RPE: variants seen among roughly 807,000 people sequenced by gnomAD.
RPE encodes the protein ribulose-phosphate 3-epimerase.
RPE carries 16 observed loss-of-function variants against 24.6 expected under a neutral mutation model. The observed-to-expected ratio is 0.65, with a 90% CI of 0.44 to 0.99. The LOEUF (loss-of-function observed/expected upper bound fraction) is 0.99. RPE is among the 50% of genes least tolerant of loss of function. RPE has a pLI of 0.00. For synonymous variants in RPE, 93 were observed against 98.4 expected (o/e 0.94, Z 0.33); for missense variants, 240 against 294.5 (o/e 0.81, Z 1.35).
chr2:210,018,239 A>T, intron 5 of RPE: 1 of 1,524,172 alleles, frequency 6.6e-7, no homozygotes, highest in Non-Finnish European at 8.7e-7. Context: ...CAAGGGGGGA[A>T]AATAGATAAA....
chr2:210,018,663 T>G, intron 5 of RPE: 1 of 985,350 alleles, frequency 1.0e-6, no homozygotes, highest in Non-Finnish European at 1.2e-6. Context: ...TGGAATTGCT[T>G]TGTACTAAAC....
intron 1 of RPE, among the ~76,000 whole-genome samples, chr2:210,007,248 T>C (rs1241886299): frequency 6.6e-6 from 1 of 152,216 alleles, no homozygotes; most frequent in Non-Finnish European, 1.5e-5. Flanking sequence ...TTATTAGCAC[T>C]CATTCTACCT....
At chr2:210,006,292 C>T (rs2093629955) in intron 1 of RPE, among the ~76,000 whole-genome samples, 1 of 152,164 alleles carries the variant, frequency 6.6e-6, no homozygotes, top group African/African-American at 2.4e-5. Flanking sequence ...GAGGTAGAGA[C>T]TGTAAATACA....
At position 210,020,965 on chromosome 2, in the gene RPE, A is replaced by G. The variant is rs546049414; in HGVS notation, c.*1174A>G. On this transcript the variant is annotated 3_prime_UTR_variant, in exon 6 of 6. Transcript: ENST00000359429. Reference sequence around the variant, plus strand: ...TTTTACTTAACGTTGTCTTATTTCCAGTCTAATTTTACGCTGTAGCAGAAC... The same window carrying G: ...TTTTACTTAACGTTGTCTTATTTCCGGTCTAATTTTACGCTGTAGCAGAAC... 1 of 152,292 alleles carries G rather than the reference A, an allele frequency of 6.6e-6. No homozygotes were observed. Among genetic ancestry groups the G allele is most frequent in the Admixed American group, 6.5e-5 (1 of 15,280 alleles). The allele number at this position is 152,292 out of a possible 1,614,324, so 9.4% of individuals were successfully genotyped here.
rs140744276 is a variant in RPE at position 210,006,318 on chromosome 2, T to C, written c.123-3339T>C. ...TGTAAATACATTAGAACTGCTCTCA[T>C]GGTTACTGTTTGGCAAATTTGGGAC... On this transcript the variant is annotated intron_variant, in intron 1 of 5. Coordinates refer to ENST00000359429, the MANE Select transcript of RPE (RefSeq NM_199229.3). Among the ~76,000 whole-genome samples the C allele has an allele frequency of 2.0e-5, 3 of 152,324 alleles. No individual in the cohort carries two copies. In the East Asian group the frequency reaches 5.8e-4, roughly 29 times the overall value.
In RPE at chr2:210,020,516, C is replaced by G. The variant is rs1016892627; in HGVS notation, c.*725C>G. 1 of 166,768 alleles carries G rather than the reference C, an allele frequency of 6.0e-6. No homozygotes were observed. Among genetic ancestry groups the G allele is most frequent in the African/African-American group, 2.4e-5 (1 of 41,414 alleles). The allele number at this position is 166,768 out of a possible 1,614,324, so 10.3% of individuals were successfully genotyped here. ...AATATTGGGTTGAATTCTGACTGCCCCTTTCTAGCTGGACCTTTAACAAAT... is the reference window on the plus strand; with the variant it reads ...AATATTGGGTTGAATTCTGACTGCCGCTTTCTAGCTGGACCTTTAACAAAT... On this transcript the variant is annotated 3_prime_UTR_variant, in exon 6 of 6. Transcript: ENST00000359429.
chr2:210,009,835 C>G, intron 2 of RPE, 99 bp downstream of exon 2: 1 of 1,506,890 alleles, frequency 6.6e-7, no homozygotes, highest in Non-Finnish European at 9.2e-7. Context: ...GCACCCTTTC[C>G]CCAACTTTCC....
chr2:210,003,410 C>T lies in RPE; in HGVS notation c.122+627C>T, dbSNP rs557448421. 2.4e-6 allele frequency: 3 copies of T among 1,270,618 alleles called. No homozygotes were observed. The African/African-American group carries it at 4.6e-5, about 19-fold the overall frequency. The allele number at this position is 1,270,618 out of a possible 1,614,324, so 78.7% of individuals were successfully genotyped here. A position where few individuals can be genotyped will look rare whatever the true frequency, so the allele number is the denominator to read the frequency against. ...TGTTAATTACATCATTATTACAATT[C>T]TGATTTTCCTGTCTATTTTCTCTTC... On this transcript the variant is annotated intron_variant, in intron 1 of 5. Transcript: ENST00000359429.
At chr2:210,011,811 G>C (rs151077378) in intron 2 of RPE, among the ~76,000 whole-genome samples, 175 of 149,988 alleles carry the variant, frequency 1.2e-3, no homozygotes, top group African/African-American at 3.9e-3. Context: ...GACTACAGGT[G>C]TGTGCCACCA....
chr2:210,016,767 A>G (rs1409712644), intron 4 of RPE, 126 bp downstream of exon 4: 1 of 1,284,332 alleles, frequency 7.8e-7, no homozygotes, highest in African/African-American at 1.5e-5. Context: ...ATGCTTACAG[A>G]TCATTCTAAT....
chr2:210,015,859 G>A (rs2125082609), intron 2 of RPE, 114 bp from the exon 3 acceptor site: 2 of 988,942 alleles, frequency 2.0e-6, no homozygotes, highest in Non-Finnish European at 3.0e-6. Flanking sequence ...ATAATGATTT[G>A]TGTGATGGCC....
At chr2:210,012,845 A>AT (rs2093719346) in intron 2 of RPE, among the ~76,000 whole-genome samples, 1 of 152,226 alleles carries the variant, frequency 6.6e-6, no homozygotes, top group African/African-American at 2.4e-5. Context: ...ATCTGTAGTT[A>AT]TTTTACCAAA....
At position 210,016,017 on chromosome 2, in the gene RPE, A is replaced by C; in HGVS notation, c.247A>C (p.Met83Leu). Residue 83 changes from methionine (M) to leucine (L), a missense_variant, in exon 3 of 6, where the codon ATG (methionine) becomes CTG (leucine). Physicochemically the swap from Met to Leu is conservative, Grantham distance 15. Coordinates refer to ENST00000359429, the MANE Select transcript of RPE (RefSeq NM_199229.3). ...CAAGCCAGAACAGTGGGTAAAGCCA[A>C]TGGCTGTAGCAGGAGCCAATCAGTA... Reference protein sequence around the residue: ...VSKPEQWVKPMAVAGANQYTF... With the variant: ...VSKPEQWVKPLAVAGANQYTF... 1.2e-6 allele frequency: 2 copies of C among 1,614,212 alleles called. No individual in the cohort carries two copies. Among genetic ancestry groups the C allele is most frequent in the Non-Finnish European group, 1.7e-6 (2 of 1,180,032 alleles).
intron 1 of RPE, among the ~76,000 whole-genome samples, chr2:210,006,980 T>TC (rs770389835): frequency 6.6e-6 from 1 of 152,214 alleles, no homozygotes; most frequent in Non-Finnish European, 1.5e-5. Flanking sequence ...CTAGACTTTT[T>TC]CCCCTTGTTT....
intron 5 of RPE, chr2:210,018,536 T>C (rs1293704003): frequency 2.0e-6 from 2 of 985,130 alleles, no homozygotes; most frequent in Non-Finnish European, 1.2e-6. Context: ...CAGGTTCTTG[T>C]ATAACTGCCA....
At chr2:210,003,259 G>A (rs1330592466) in intron 1 of RPE, among the ~76,000 whole-genome samples, 2 of 152,144 alleles carry the variant, frequency 1.3e-5, no homozygotes, top group Non-Finnish European at 2.9e-5. Context: ...ACCTCATTGA[G>A]CTTCAGTTTC....
rs182639970 is a variant in RPE, at chr2:210,021,480, C to A, written c.*1689C>A. 136 of 152,604 alleles carry A rather than the reference C, an allele frequency of 8.9e-4. No individual in the cohort carries two copies. The highest frequency in any genetic ancestry group is 3.2e-3 in the African/African-American group (133 of 41,546). The allele number at this position is 152,604 out of a possible 1,614,324, so 9.5% of individuals were successfully genotyped here. On this transcript the variant is annotated 3_prime_UTR_variant, in exon 6 of 6. Coordinates refer to ENST00000359429, the MANE Select transcript of RPE (RefSeq NM_199229.3). ...TAGAAGATTATAATATCAGACGTGACAAAGATTTGAGTTTATTTGCCTGGA... is the reference window on the plus strand; with the variant it reads ...TAGAAGATTATAATATCAGACGTGAAAAAGATTTGAGTTTATTTGCCTGGA...
chr2:210,005,634 A>T (rs2093620699), intron 1 of RPE, among the ~76,000 whole-genome samples: 1 of 144,244 alleles, frequency 6.9e-6, no homozygotes, highest in Non-Finnish European at 1.5e-5. Flanking sequence ...TTTTGGGGGA[A>T]AAAAAAAAAC....
At position 210,002,769 on chromosome 2, in the gene RPE, G is replaced by A. The variant is rs778206611; in HGVS notation, c.108G>A (p.Leu36=). The change falls in exon 1 of 6, where the codon CTG becomes CTA. Residue 36 remains leucine (L), a synonymous_variant. Transcript: ENST00000359429. ...ACTCTGGGGCCGATTATCTGCACCT[G>A]GACGTAATGGACGGGTAACTCCTCC... is the stretch of plus-strand genomic sequence containing the variant. ...MLDSGADYLH[L]DVMDGHFVPN... is the part of the protein sequence containing the mutation. The A allele has an allele frequency of 4.5e-5, 72 of 1,614,062 alleles. No homozygotes were observed. Among genetic ancestry groups the A allele is most frequent in the Non-Finnish European group, 4.7e-5 (55 of 1,180,028 alleles).
Sources: gnomAD v4.1 joint callset for allele counts (sites outside exome capture counted in the v4.1 genomes callset) on GRCh38, gnomAD v4.1.1 for gene constraint, MANE v1.5 for transcripts, NCBI Gene and HGNC (gene_info 2026-07-23, HGNC 2026-07-21) for gene names.